Variants in DCHS1 observed in about 807,000 individuals in gnomAD.
DCHS1 encodes dachsous cadherin-related 1.
DCHS1 carries 78 observed loss-of-function variants against 213.9 expected under a neutral mutation model. That is an observed-to-expected ratio of 0.36 (90% confidence interval 0.30 to 0.44). The LOEUF is 0.44. Ranked by LOEUF, DCHS1 falls within the 20% of genes least tolerant of loss-of-function variation. DCHS1 has a pLI of 1.00. For synonymous variants in DCHS1, 1,828 were observed against 1,873.7 expected (o/e 0.98, Z 0.63); for missense variants, 3,946 against 4,395.9 (o/e 0.90, Z 2.89).
rs1856308624 is a variant in DCHS1 at position 6,655,800 on chromosome 11, G to C, written c.-358C>G. On this transcript the variant is annotated 5_prime_UTR_variant, in exon 1 of 21. Coordinates refer to ENST00000299441, the MANE Select transcript of DCHS1 (RefSeq NM_003737.4). Reference sequence around the variant, plus strand: ...TGCACAGCCGCCCCGCCGAGGATGCGAGCTCCGCTGCCGCGGCCCCGCGCC... The same window carrying C: ...TGCACAGCCGCCCCGCCGAGGATGCCAGCTCCGCTGCCGCGGCCCCGCGCC... 3 of 943,090 alleles carry C rather than the reference G, an allele frequency of 3.2e-6. No individual in the cohort carries two copies. The highest frequency in any genetic ancestry group is 7.3e-5 in the Admixed American group (1 of 13,612). 58.4% of individuals were successfully genotyped at this position (943,090 alleles called of 1,614,324 possible). A position where few individuals can be genotyped will look rare whatever the true frequency, so the allele number is the denominator to read the frequency against.
rs144700547 is a variant in DCHS1, at chr11:6,628,372, C to T, written c.5371+249G>A. Among the ~76,000 whole-genome samples the T allele has an allele frequency of 2.6e-3, 402 of 151,986 alleles. No homozygotes were observed. The highest frequency in any genetic ancestry group is 9.2e-3 in the African/African-American group (382 of 41,422). ...GTTTTTGAGACCAAAAATTTGAGAA[C>T]GACTGCTCTACAGGGAGAGACAAAT... is the stretch of plus-strand genomic sequence containing the variant. On this transcript the variant is annotated intron_variant, in intron 13 of 20. Coordinates refer to ENST00000299441, the MANE Select transcript of DCHS1 (RefSeq NM_003737.4). The surrounding 1 kb of genome is among the most constrained non-coding windows in gnomAD (Gnocchi z 4.3).
At position 6,631,392 on chromosome 11, in the gene DCHS1, G is replaced by A; in HGVS notation, c.3691C>T (p.Pro1231Ser). ...AGAGTCGTCACCAGTGTTCCCGGAG[G>A]CACGCGGTCTGGTACCTGTGGGAAC... ...GLPIQVPDRV[P>S]PGTLVTTLQA... is the part of the protein sequence containing the mutation. Residue 1231 changes from proline to serine, a missense_variant, in exon 8 of 21, where the codon CCT becomes TCT. Coordinates refer to ENST00000299441, the MANE Select transcript of DCHS1 (RefSeq NM_003737.4). 2 of 1,613,962 alleles carry A rather than the reference G, an allele frequency of 1.2e-6. No homozygotes were observed. The highest frequency in any genetic ancestry group is 1.1e-5 in the South Asian group (1 of 91,084).
Position 6,641,343 on chromosome 11 carries a change from C to G in DCHS1, c.271G>C (p.Asp91His). The change falls in exon 2 of 21, where the codon GAC (aspartate) becomes CAC (histidine). Residue 91 changes from aspartate to histidine, a missense_variant. Around this residue, in one of 3 missense-constraint regions of DCHS1, gnomAD observed 3,384 missense variants for 3,780.1 expected, o/e 0.90. Transcript: ENST00000299441. This position sits in a 1 kb window ranked among gnomAD's most constrained non-coding sequence, Gnocchi z 7.1. ...CCACTGTGTTCGTCAATGGCCAGGT[C>G]TGTGCCCACGCCGCTGCCCTCTTGG... ...SAQEGSGVGT[D>H]LAIDEHSGVV... The G allele has an allele frequency of 6.2e-7, 1 of 1,613,622 alleles. No homozygotes were observed. Among genetic ancestry groups the G allele is most frequent in the Non-Finnish European group, 8.5e-7 (1 of 1,179,892 alleles).
chr11:6,646,566 C>T (rs758686778), intron 1 of DCHS1, among the ~76,000 whole-genome samples: 1 of 152,172 alleles, frequency 6.6e-6, no homozygotes, highest in Admixed American at 6.5e-5. Context: ...TTGTCTCTTT[C>T]CCCAGCATAT....
chr11:6,630,818 C>G lies in DCHS1; in HGVS notation c.3976G>C (p.Glu1326Gln). Residue 1326 changes from glutamate to glutamine, a missense_variant, in exon 10 of 21, where the codon GAG becomes CAG. Glu to Gln is a conservative substitution (Grantham distance 29, BLOSUM62 2). This residue lies in a region of DCHS1 where 3,384 missense variants were observed against 3,780.1 expected (regional missense o/e 0.90). Transcript: ENST00000299441. ...GGCACTGGTGCCGCTGGGTCCCGCT[C>G]TGCGAGATCTGGGGGCGGCTCGGCC... ...RLAEPPPDLA[E>Q]RDPAAPVPVV... 6.5e-7 allele frequency: 1 copy of G among 1,533,878 alleles called. No homozygotes were observed. The highest frequency in any genetic ancestry group is 8.8e-7 in the Non-Finnish European group (1 of 1,137,276).
Position 6,628,219 on chromosome 11 carries a change from G to A in DCHS1, c.5371+402C>T, listed in dbSNP as rs898449076. Among the ~76,000 whole-genome samples the A allele has an allele frequency of 1.3e-5, 2 of 152,178 alleles. No individual in the cohort carries two copies. The highest frequency in any genetic ancestry group is 2.9e-5 in the Non-Finnish European group (2 of 68,036). ...GCTTACACAGAAATACTGGCAAGCT[G>A]TATACTTCATTGGCTTGTTTCACAA... On this transcript the variant is annotated intron_variant, in intron 13 of 20. Coordinates refer to ENST00000299441, the MANE Select transcript of DCHS1 (RefSeq NM_003737.4). The surrounding 1 kb of genome is among the most constrained non-coding windows in gnomAD (Gnocchi z 4.3).
chr11:6,639,175 G>A (rs1436356739), intron 2 of DCHS1, among the ~76,000 whole-genome samples: 1 of 151,912 alleles, frequency 6.6e-6, no homozygotes, highest in African/African-American at 2.4e-5. Context: ...ACTGCTTTGT[G>A]TTCAAGGACT....
In DCHS1 at chr11:6,621,557, T is replaced by C. The variant is rs1462143458; in HGVS notation, c.*222A>G. 17 of 689,590 alleles carry C rather than the reference T, an allele frequency of 2.5e-5. No individual in the cohort carries two copies. The highest frequency in any genetic ancestry group is 4.5e-5 in the Non-Finnish European group (17 of 379,272). The allele number at this position is 689,590 out of a possible 1,614,324, so 42.7% of individuals were successfully genotyped here. A position where few individuals can be genotyped will look rare whatever the true frequency, so the allele number is the denominator to read the frequency against. The stretch of plus-strand genomic sequence containing the variant: ...GAACCCAGGGCTGCTACCTCCTTCA[T>C]ATTTCTCCCCACATTGGACCTGGTC... On this transcript the variant is annotated 3_prime_UTR_variant, in exon 21 of 21. Transcript: ENST00000299441.
intron 1 of DCHS1, 54 bp downstream of exon 1, chr11:6,655,509 G>GC: frequency 1.0e-6 from 1 of 963,156 alleles, no homozygotes; most frequent in South Asian, 4.8e-5. Context: ...CCCAGGGGAG[G>GC]CCGGCGGGCA....
Position 6,630,370 on chromosome 11 carries a change from C to A in DCHS1, c.4424G>T (p.Arg1475Leu). Residue 1475 changes from arginine to leucine, a missense_variant, in exon 10 of 21, where the codon CGC (arginine) becomes CTC (leucine). This residue lies in a region of DCHS1 where 3,384 missense variants were observed against 3,780.1 expected (regional missense o/e 0.90). Transcript: ENST00000299441. ...CACGGGCGGCTCCTGGCGCAGCAGG[C>A]GGTAGCGCACGTCGCTATTGGGGCC... Reference protein sequence around the residue: ...GPGPNSDVRYRLLRQEPPVPA... With the variant: ...GPGPNSDVRYLLLRQEPPVPA... The A allele has an allele frequency of 1.5e-6, 2 of 1,353,980 alleles. No homozygotes were observed. Among genetic ancestry groups the A allele is most frequent in the Non-Finnish European group, 9.5e-7 (1 of 1,056,044 alleles). The allele number at this position is 1,353,980 out of a possible 1,614,324, so 83.9% of individuals were successfully genotyped here.
chr11:6,628,480 G>C lies in DCHS1; in HGVS notation c.5371+141C>G, dbSNP rs765441489. On this transcript the variant is annotated intron_variant, in intron 13 of 20. Coordinates refer to ENST00000299441, the MANE Select transcript of DCHS1 (RefSeq NM_003737.4). The surrounding 1 kb of genome is among the most constrained non-coding windows in gnomAD (Gnocchi z 4.3). ...GGAATGAGATACCTAGCTACACTGG[G>C]TATAAGCATGAAAGAAAAGGTGGAC... 2.0e-5 allele frequency: 16 copies of C among 818,570 alleles called. No homozygotes were observed. The highest frequency in any genetic ancestry group is 1.0e-4 in the African/African-American group (6 of 58,598). 50.7% of individuals were successfully genotyped at this position (818,570 alleles called of 1,614,324 possible).
At chr11:6,647,326 G>C (rs1442494629) in intron 1 of DCHS1, among the ~76,000 whole-genome samples, 1 of 152,124 alleles carries the variant, frequency 6.6e-6, no homozygotes, top group East Asian at 1.9e-4. Flanking sequence ...CAGCCCCACC[G>C]GTGCGTGCTG....
Position 6,632,538 on chromosome 11 carries a change from C to T in DCHS1, c.2974G>A (p.Gly992Arg). The change falls in exon 6 of 21, where the codon GGA becomes AGA. Residue 992 changes from glycine to arginine, a missense_variant. Gly to Arg is a moderately radical substitution (Grantham distance 125, BLOSUM62 -2). Around this residue, in one of 3 missense-constraint regions of DCHS1, gnomAD observed 3,384 missense variants for 3,780.1 expected, o/e 0.90. Coordinates refer to ENST00000299441, the MANE Select transcript of DCHS1 (RefSeq NM_003737.4). The surrounding 1 kb of genome is among the most constrained non-coding windows in gnomAD (Gnocchi z 5.9). ...AATCGGGGAGCCAGCCCACGGGTTC[C>T]CACATCCTGTACCACCACCCGTAGT... is the stretch of plus-strand genomic sequence containing the variant. ...FRLRVVVQDV[G>R]TRGLAPRFNS... 1 of 1,532,134 alleles carries T rather than the reference C, an allele frequency of 6.5e-7. No homozygotes were observed. Among genetic ancestry groups the T allele is most frequent in the Non-Finnish European group, 8.8e-7 (1 of 1,137,186 alleles). The allele number at this position is 1,532,134 out of a possible 1,614,324, so 94.9% of individuals were successfully genotyped here.
Position 6,639,838 on chromosome 11 carries a change from C to A in DCHS1, c.1776G>T (p.Gln592His). ...CCACCTGCAGGAAGCAAGTTCCAGG[C>A]TGGGTGCCCTCAGGCAGTGAGGCAT... ...FYNASLPEGTQPGTCFLQVTA... is the reference protein window; with the variant it reads ...FYNASLPEGTHPGTCFLQVTA... The change falls in exon 2 of 21, where the codon CAG (glutamine) becomes CAT (histidine). Residue 592 changes from glutamine (Q) to histidine (H), a missense_variant. Around this residue, in one of 3 missense-constraint regions of DCHS1, gnomAD observed 3,384 missense variants for 3,780.1 expected, o/e 0.90. Coordinates refer to ENST00000299441, the MANE Select transcript of DCHS1 (RefSeq NM_003737.4). The A allele has an allele frequency of 6.2e-7, 1 of 1,601,508 alleles. No individual in the cohort carries two copies. The highest frequency in any genetic ancestry group is 1.1e-5 in the South Asian group (1 of 89,638).
At chr11:6,631,281 C>T in intron 8 of DCHS1, 30 bp downstream of exon 8, 2 of 1,613,892 alleles carry the variant, frequency 1.2e-6, no homozygotes, top group Non-Finnish European at 1.7e-6. Flanking sequence ...ATGCCATCAC[C>T]CACCAATTCT....
In DCHS1 at chr11:6,625,139, C is replaced by T; in HGVS notation, c.7146+59G>A. 1 of 1,528,030 alleles carries T rather than the reference C, an allele frequency of 6.5e-7. No individual in the cohort carries two copies. The highest frequency in any genetic ancestry group is 8.8e-7 in the Non-Finnish European group (1 of 1,138,688). 94.7% of individuals were successfully genotyped at this position (1,528,030 alleles called of 1,614,324 possible). On this transcript the variant is annotated intron_variant, in intron 19 of 20. Transcript: ENST00000299441. The surrounding 1 kb of genome is among the most constrained non-coding windows in gnomAD (Gnocchi z 5.3). ...ACCTCAGCAGCTGCTAGCTCTGATA[C>T]TTCCCTCCAACAGGAACAACCCAGG...
At chr11:6,650,047 A>C (rs921491125) in intron 1 of DCHS1, among the ~76,000 whole-genome samples, 2 of 152,166 alleles carry the variant, frequency 1.3e-5, no homozygotes, top group Non-Finnish European at 2.9e-5. Context: ...GAGCTCAAAG[A>C]AGCTAAGTCA....
chr11:6,625,581 C>T lies in DCHS1; in HGVS notation c.6862+16G>A. Reference sequence around the variant, plus strand: ...TCTCTGCCACCCTTTATGCCACCCACTTTACCCAGCCTCACCTTCTGACAC... The same window carrying T: ...TCTCTGCCACCCTTTATGCCACCCATTTTACCCAGCCTCACCTTCTGACAC... On this transcript the variant is annotated intron_variant, in intron 18 of 20. Transcript: ENST00000299441. This position sits in a 1 kb window ranked among gnomAD's most constrained non-coding sequence, Gnocchi z 5.3. The T allele has an allele frequency of 1.9e-6, 3 of 1,613,630 alleles. No homozygotes were observed. In the South Asian group the frequency reaches 3.3e-5, roughly 18 times the overall value.
chr11:6,653,996 G>T (rs145230393), intron 1 of DCHS1, among the ~76,000 whole-genome samples: 1 of 152,232 alleles, frequency 6.6e-6, no homozygotes, highest in East Asian at 1.9e-4. Flanking sequence ...AGGGAGGAAG[G>T]TAACAGGAGC....
Sources: gnomAD v4.1 joint callset for allele counts (sites outside exome capture counted in the v4.1 genomes callset) on GRCh38, gnomAD v4.1.1 for gene constraint, gnomAD v4.1.1 regional missense constraint, Gnocchi (gnomAD v3.1) non-coding constraint, MANE v1.5 for transcripts, NCBI Gene and HGNC (gene_info 2026-07-23, HGNC 2026-07-21) for gene names.